The following EYS variants were observed in gnomAD, a reference collection of about 807,000 sequenced individuals.
The protein encoded by EYS is EGF-like photoreceptor maintenance factor, also known as protein eyes shut homolog.
Under a neutral mutation model 282.1 loss-of-function variants are expected in EYS, and 250 were observed. That is an observed-to-expected ratio of 0.89 (90% CI 0.80 to 0.98). The LOEUF (loss-of-function observed/expected upper bound fraction) is 0.98, where lower values mean the gene tolerates loss of function less well. Ranked by LOEUF, EYS falls within the 50% of genes least tolerant of loss-of-function variation. The pLI is 0.00. For synonymous variants in EYS, 1,355 were observed against 1,282.9 expected (o/e 1.06, Z -1.20); for missense variants, 4,016 against 3,709.0 (o/e 1.08, Z -2.15).
intron 29 of EYS, among the ~76,000 whole-genome samples, chr6:64,363,774 C>A (rs1364963691): frequency 2.0e-5 from 3 of 151,886 alleles, no homozygotes; most frequent in African/African-American, 7.2e-5. Flanking sequence ...CAATCTTTCT[C>A]ATTTCTTACA....
chr6:63,834,030 C>T (rs892711339), intron 36 of EYS, among the ~76,000 whole-genome samples: 3 of 152,162 alleles, frequency 2.0e-5, no homozygotes, highest in Non-Finnish European at 4.4e-5. Flanking sequence ...AAACTGGATT[C>T]CTTCCTTACA....
Position 64,599,463 on chromosome 6 carries a change from T to C in EYS, c.3685-6154A>G, listed in dbSNP as rs552307636. Among the ~76,000 whole-genome samples the C allele has an allele frequency of 2.2e-4, 33 of 152,228 alleles. No individual in the cohort carries two copies. The East Asian group carries it at 6.2e-3, about 29-fold the overall frequency. On this transcript the variant is annotated intron_variant, in intron 24 of 42. Coordinates refer to ENST00000503581, the MANE Select transcript of EYS (RefSeq NM_001142800.2). Reference sequence around the variant, plus strand: ...AATGATTTGTAAATTTGTATTCCTATCAATAAAATAGAAATAAAAATTAAA... The same window carrying C: ...AATGATTTGTAAATTTGTATTCCTACCAATAAAATAGAAATAAAAATTAAA...
Position 64,821,644 on chromosome 6 carries a change from C to T in EYS, c.3243+1G>A, listed in dbSNP as rs1300490966. 18 of 1,423,440 alleles carry T rather than the reference C, an allele frequency of 1.3e-5. No homozygotes were observed. Among genetic ancestry groups the T allele is most frequent in the Non-Finnish European group, 1.7e-5 (18 of 1,050,512 alleles). 88.2% of individuals were successfully genotyped at this position (1,423,440 alleles called of 1,614,324 possible). On this transcript the variant is annotated splice_donor_variant, in intron 21 of 42. Coordinates refer to ENST00000503581, the MANE Select transcript of EYS (RefSeq NM_001142800.2). LOFTEE classifies it high-confidence loss of function. The stretch of plus-strand genomic sequence containing the variant: ...AACTTGAATAAAATTATAAGACTTA[C>T]ATTAATTTTGATCTTACATTGTGTG...
At position 64,404,584 on chromosome 6, in the gene EYS, G is replaced by A. The variant is rs140539764; in HGVS notation, c.5928-15744C>T. 6.6e-4 allele frequency among the ~76,000 whole-genome samples: 100 copies of A among 152,250 alleles called. No homozygotes were observed. The Middle Eastern group carries it at 0.01, about 16-fold the overall frequency. ...CCACGTGTCAGGCAAGACAGTCCAC[G>A]CTGGATGCAAGATTAACAAAACAGC... On this transcript the variant is annotated intron_variant, in intron 28 of 42. Coordinates refer to ENST00000503581, the MANE Select transcript of EYS (RefSeq NM_001142800.2).
chr6:65,669,709 C>T (rs1282201133), intron 1 of EYS, among the ~76,000 whole-genome samples: 1 of 151,970 alleles, frequency 6.6e-6, no homozygotes, highest in African/African-American at 2.4e-5. Flanking sequence ...CACCTTGTTT[C>T]ATTTTTTCTG....
intron 31 of EYS, among the ~76,000 whole-genome samples, chr6:64,188,508 A>G (rs79385015): frequency 0.035 from 5,326 of 152,202 alleles, 225 homozygotes; most frequent in African/African-American, 0.099. Flanking sequence ...ATTATGCTAA[A>G]AAGTGATTTG....
In EYS at chr6:65,260,562, A is replaced by G. The variant is rs1767594210; in HGVS notation, c.2023+35301T>C. Among the ~76,000 whole-genome samples the G allele has an allele frequency of 2.0e-5, 3 of 152,106 alleles. No homozygotes were observed. In the South Asian group the frequency reaches 6.2e-4, roughly 31 times the overall value. On this transcript the variant is annotated intron_variant, in intron 12 of 42. Coordinates refer to ENST00000503581, the MANE Select transcript of EYS (RefSeq NM_001142800.2). ...TTAAAATTGTCTTTGTTTGAATTAT[A>G]TTACATTATCACTGCCTCTTGTAGT...
intron 14 of EYS, among the ~76,000 whole-genome samples, chr6:64,965,700 C>T (rs1168142446): frequency 6.6e-6 from 1 of 151,960 alleles, no homozygotes; most frequent in African/African-American, 2.4e-5. Flanking sequence ...AGTATACTGA[C>T]CATTCAATTG....
chr6:64,123,583 C>T (rs576144983), intron 31 of EYS, among the ~76,000 whole-genome samples: 13 of 152,210 alleles, frequency 8.5e-5, no homozygotes, highest in African/African-American at 2.9e-4. Flanking sequence ...ACAGCTTTAT[C>T]GTTCCTAACT....
At chr6:64,195,319 A>C (rs1164804752) in intron 31 of EYS, among the ~76,000 whole-genome samples, 2 of 152,100 alleles carry the variant, frequency 1.3e-5, no homozygotes, top group East Asian at 3.9e-4. Context: ...ATTATTTCTT[A>C]TGTATTTGAG....
intron 35 of EYS, among the ~76,000 whole-genome samples, chr6:63,975,819 C>T (rs1397442995): frequency 6.6e-6 from 1 of 151,880 alleles, no homozygotes; most frequent in African/African-American, 2.4e-5. Context: ...TTTTATTTGG[C>T]TTACTATTTA....
chr6:65,446,752 T>C (rs544750356), intron 5 of EYS, among the ~76,000 whole-genome samples: 1 of 152,010 alleles, frequency 6.6e-6, no homozygotes, highest in East Asian at 1.9e-4. Flanking sequence ...GCAGTGTTCA[T>C]GGGATCTAAA....
intron 26 of EYS, among the ~76,000 whole-genome samples, chr6:64,450,721 C>A (rs1399638257): frequency 1.3e-5 from 2 of 152,158 alleles, no homozygotes; most frequent in Non-Finnish European, 2.9e-5. Context: ...AACCACTCAA[C>A]TACATGGAAA....
intron 12 of EYS, among the ~76,000 whole-genome samples, chr6:65,210,931 A>AACACACACACACAC (rs59095242): frequency 4.0e-5 from 6 of 148,402 alleles, no homozygotes; most frequent in African/African-American, 1.5e-4. Context: ...AAGTCGTACA[A>AACACACACACACAC]ACACACACAC....
intron 19 of EYS, among the ~76,000 whole-genome samples, chr6:64,851,003 C>T (rs1213917913): frequency 6.6e-6 from 1 of 151,998 alleles, no homozygotes; most frequent in Non-Finnish European, 1.5e-5. Flanking sequence ...GTTCAAAGCC[C>T]AGCAGTTTAA....
intron 26 of EYS, among the ~76,000 whole-genome samples, chr6:64,558,354 G>A (rs1260022050): frequency 2.0e-5 from 3 of 152,024 alleles, no homozygotes; most frequent in African/African-American, 7.2e-5. Context: ...TAATTCTAGT[G>A]GAGGAAGAAA....
In EYS at chr6:63,865,880, T is replaced by G. The variant is rs117692013; in HGVS notation, c.7056-1522A>C. Among the ~76,000 whole-genome samples the G allele has an allele frequency of 2.5e-3, 376 of 152,338 alleles. 1 individual carries two copies. The highest frequency in any genetic ancestry group is 7.5e-3 in the East Asian group (39 of 5,186). On this transcript the variant is annotated intron_variant, in intron 35 of 42. Coordinates refer to ENST00000503581, the MANE Select transcript of EYS (RefSeq NM_001142800.2). ...ACACTATGAAAGTTTATGTATCAGA[T>G]AGCAGATAAAGCTGGCTTTGGTGGG...
At chr6:65,608,733 C>G (rs530966900) in intron 2 of EYS, among the ~76,000 whole-genome samples, 5 of 152,066 alleles carry the variant, frequency 3.3e-5, no homozygotes, top group African/African-American at 4.8e-5. Context: ...ACTATATAAG[C>G]TTTTTATAAA....
intron 26 of EYS, among the ~76,000 whole-genome samples, chr6:64,566,249 C>T (rs1053791684): frequency 6.6e-6 from 1 of 152,124 alleles, no homozygotes; most frequent in Admixed American, 6.6e-5. Flanking sequence ...AGTATACTAT[C>T]TCTCTGTATT....
Sources: gnomAD v4.1 joint callset for allele counts (sites outside exome capture counted in the v4.1 genomes callset) on GRCh38, gnomAD v4.1.1 for gene constraint, MANE v1.5 for transcripts, NCBI Gene and HGNC (gene_info 2026-07-23, HGNC 2026-07-21) for gene names.